The following NBN variants were observed in gnomAD, a reference collection of about 807,000 sequenced individuals.
NBN encodes the protein nibrin.
NBN carries 88 observed loss-of-function variants against 90.8 expected under a neutral mutation model. That is an observed-to-expected ratio of 0.97 (90% CI 0.82 to 1.16). The LOEUF (loss-of-function observed/expected upper bound fraction) is 1.16. Ranked by LOEUF, NBN falls within the 50% of genes most tolerant of loss-of-function variation. The pLI, the probability that NBN is intolerant of heterozygous loss-of-function variation, is 0.00. For synonymous variants in NBN, 328 were observed against 295.1 expected (o/e 1.11, Z -1.14); for missense variants, 894 against 869.6 (o/e 1.03, Z -0.35).
chr8:89,962,398 A>G (rs1468455720), intron 8 of NBN, among the ~76,000 whole-genome samples: 1 of 152,208 alleles, frequency 6.6e-6, no homozygotes, highest in Non-Finnish European at 1.5e-5. Flanking sequence ...AATTACTGAT[A>G]CTGATCTTTT....
chr8:89,978,211 A>G lies in NBN; in HGVS notation c.584+9T>C, dbSNP rs746913991. 57 of 1,594,674 alleles carry G rather than the reference A, an allele frequency of 3.6e-5. No individual in the cohort carries two copies. The highest frequency in any genetic ancestry group is 4.5e-5 in the Non-Finnish European group (52 of 1,162,676). On this transcript the variant is annotated intron_variant, in intron 5 of 15. Transcript: ENST00000265433. ...TGACATCTTGTTATATTTAAAATAC[A>G]TAATATACCTTTCAATTTGTGGAGG...
intron 4 of NBN, among the ~76,000 whole-genome samples, chr8:89,978,981 T>C (rs1016659583): frequency 1.3e-5 from 2 of 152,204 alleles, no homozygotes; most frequent in Non-Finnish European, 2.9e-5. Flanking sequence ...AATATAAATA[T>C]GCTTTTTTAT....
At chr8:89,958,950 G>GTT in intron 8 of NBN, 96 bp from the exon 9 acceptor site, 1 of 1,462,128 alleles carries the variant, frequency 6.8e-7, no homozygotes. Context: ...CATGCTGAGG[G>GTT]GATTAACTAG....
At chr8:89,964,957 T>C (rs1428615046) in intron 7 of NBN, among the ~76,000 whole-genome samples, 1 of 151,844 alleles carries the variant, frequency 6.6e-6, no homozygotes, top group Non-Finnish European at 1.5e-5. Context: ...CTACTAAAAA[T>C]ACAAAAATTA....
At chr8:89,978,963 T>C (rs1368497489) in intron 4 of NBN, among the ~76,000 whole-genome samples, 1 of 152,188 alleles carries the variant, frequency 6.6e-6, no homozygotes. Flanking sequence ...GAAAATAAGA[T>C]TCAGAATAAT....
intron 4 of NBN, among the ~76,000 whole-genome samples, chr8:89,979,637 C>T (rs1811958451): frequency 6.6e-6 from 1 of 151,542 alleles, no homozygotes; most frequent in Non-Finnish European, 1.5e-5. Flanking sequence ...GCTAACTGTA[C>T]TTTCAGAAAA....
rs1812095049 is a variant in NBN, at chr8:89,981,985, C to T, written c.172-462G>A. 6 of 1,212,752 alleles carry T rather than the reference C, an allele frequency of 4.9e-6. No individual in the cohort carries two copies. In the South Asian group the frequency reaches 8.3e-5, roughly 17 times the overall value. The allele number at this position is 1,212,752 out of a possible 1,614,324, so 75.1% of individuals were successfully genotyped here. ...ATTTTACTTTTTCTGTAGAAATTTCCAAAATGTTTTTCTATACCTAAAAGA... is the reference window on the plus strand; with the variant it reads ...ATTTTACTTTTTCTGTAGAAATTTCTAAAATGTTTTTCTATACCTAAAAGA... On this transcript the variant is annotated intron_variant, in intron 2 of 15. Transcript: ENST00000265433.
intron 14 of NBN, among the ~76,000 whole-genome samples, chr8:89,938,462 C>A (rs2516637): frequency 0.31 from 46,372 of 151,494 alleles, 7,074 homozygotes; most frequent in East Asian, 0.4. Flanking sequence ...CTCTCTCTCT[C>A]TATATGTGTG....
rs1178384498 is a variant in NBN at position 89,947,852 on chromosome 8, TCTTC to T, written c.1882_1885del (p.Glu628ThrfsTer28). ...TATTTCTTTAGCTGACCATAGTGAG[TCTTC>T]CTTGAGTTCACGTTTCTTCCCAATT... On this transcript the variant is annotated frameshift_variant, in exon 12 of 16. Coordinates refer to ENST00000265433, the MANE Select transcript of NBN (RefSeq NM_002485.5). LOFTEE classifies it high-confidence loss of function. 1.9e-6 allele frequency: 3 copies of T among 1,583,804 alleles called. No individual in the cohort carries two copies. Among genetic ancestry groups the T allele is most frequent in the East Asian group, 2.2e-5 (1 of 44,466 alleles).
rs775244752 is a variant in NBN at position 89,982,860 on chromosome 8, G to A, written c.38-5C>T. The A allele has an allele frequency of 2.5e-6, 4 of 1,612,698 alleles. No individual in the cohort carries two copies. Among genetic ancestry groups the A allele is most frequent in the Admixed American group, 3.3e-5 (2 of 60,002 alleles). On this transcript the variant is annotated splice_region_variant and splice_polypyrimidine_tract_variant and intron_variant, in intron 1 of 15. Transcript: ENST00000265433. ...TCAAAAGTCTGTATGGTTCTCCTGA[G>A]ATAAATTTTTTTTTAAAAAAAGATA...
At chr8:89,970,627 G>C in intron 6 of NBN, 70 bp from the exon 7 acceptor site, 1 of 1,427,476 alleles carries the variant, frequency 7.0e-7, no homozygotes, top group East Asian at 2.4e-5. Flanking sequence ...AATTTGATTT[G>C]GGAAACATAG....
At chr8:89,977,478 T>C (rs932598091) in intron 5 of NBN, among the ~76,000 whole-genome samples, 3 of 152,218 alleles carry the variant, frequency 2.0e-5, no homozygotes, top group African/African-American at 7.2e-5. Flanking sequence ...CTATCATTGA[T>C]GGGCATTTGG....
chr8:89,982,329 G>GGC, intron 2 of NBN: 1 of 295,512 alleles, frequency 3.4e-6, no homozygotes, highest in Non-Finnish European at 6.5e-6. Flanking sequence ...ATGAAGGTCT[G>GGC]TTCATTGTTC....
In NBN at chr8:89,984,658, G is replaced by A. The variant is rs1283400811; in HGVS notation, c.-97C>T. The A allele has an allele frequency of 1.9e-6, 3 of 1,550,562 alleles. No individual in the cohort carries two copies. Among genetic ancestry groups the A allele is most frequent in the Non-Finnish European group, 1.7e-6 (2 of 1,143,218 alleles). ...GCGCCTGCGGTCGGCATGGGCTCCG[G>A]GACGTGCGCGCTCCCGGGAGCCACG... is the stretch of plus-strand genomic sequence containing the variant. On this transcript the variant is annotated 5_prime_UTR_variant, in exon 1 of 16. Transcript: ENST00000265433.
At position 89,934,760 on chromosome 8, in the gene NBN, T is replaced by C. The variant is rs943803313; in HGVS notation, c.*822A>G. Reference sequence around the variant, plus strand: ...AATAAAGTTTGAAAAAAGACATTCATTGTTTCTTACCATCTCCCTTTAAGG... The same window carrying C: ...AATAAAGTTTGAAAAAAGACATTCACTGTTTCTTACCATCTCCCTTTAAGG... On this transcript the variant is annotated 3_prime_UTR_variant, in exon 16 of 16. Coordinates refer to ENST00000265433, the MANE Select transcript of NBN (RefSeq NM_002485.5). The C allele has an allele frequency of 8.6e-6, 2 of 233,102 alleles. No individual in the cohort carries two copies. Among genetic ancestry groups the C allele is most frequent in the African/African-American group, 2.2e-5 (1 of 45,352 alleles). 14.4% of individuals were successfully genotyped at this position (233,102 alleles called of 1,614,324 possible).
In NBN at chr8:89,958,870, G is replaced by A. The variant is rs777288661; in HGVS notation, c.995-16C>T. The A allele has an allele frequency of 1.9e-6, 3 of 1,612,820 alleles. No individual in the cohort carries two copies. The highest frequency in any genetic ancestry group is 2.7e-5 in the African/African-American group (2 of 74,854). Reference sequence around the variant, plus strand: ...GTCTTTAATCCTGTAAATCACACAAGTAGAAAGAAAGAATCACAACTGCTA... The same window carrying A: ...GTCTTTAATCCTGTAAATCACACAAATAGAAAGAAAGAATCACAACTGCTA... On this transcript the variant is annotated splice_polypyrimidine_tract_variant and intron_variant, in intron 8 of 15. Transcript: ENST00000265433.
At chr8:89,982,261 A>G (rs1812105877) in intron 2 of NBN, 1 of 238,970 alleles carries the variant, frequency 4.2e-6, no homozygotes, top group Admixed American at 5.3e-5. Context: ...AAAAACTTGT[A>G]TTATATGAGA....
chr8:89,981,505 G>T lies in NBN; in HGVS notation c.190C>A (p.Pro64Thr), dbSNP rs267602038. Residue 64 changes from proline (P) to threonine (T), a missense_variant, in exon 3 of 16, where the codon CCT becomes ACT. Physicochemically the swap from Pro to Thr is conservative, Grantham distance 38. Transcript: ENST00000265433. ...VTNLSQTDEI[P>T]VLTLKDNSKY... ...GAATTATCTTTTAATGTCAATACAGGGATTTCATCTGTTTGACTCTGAAAA... is the reference window on the plus strand; with the variant it reads ...GAATTATCTTTTAATGTCAATACAGTGATTTCATCTGTTTGACTCTGAAAA... 6.2e-7 allele frequency: 1 copy of T among 1,612,740 alleles called. No homozygotes were observed. The highest frequency in any genetic ancestry group is 1.1e-5 in the South Asian group (1 of 91,024).
chr8:89,963,287 T>A (rs947725769), intron 8 of NBN, among the ~76,000 whole-genome samples: 1 of 152,190 alleles, frequency 6.6e-6, no homozygotes, highest in South Asian at 2.1e-4. Flanking sequence ...GACTCCATAG[T>A]TGCCATTCAA....
Sources: allele counts gnomAD v4.1 joint callset (sites outside exome capture counted in the v4.1 genomes callset), GRCh38; gene constraint gnomAD v4.1.1; transcripts MANE v1.5; gene names NCBI Gene and HGNC (gene_info 2026-07-23, HGNC 2026-07-21).